RAPGEF1: variants seen among roughly 807,000 people sequenced by gnomAD.
The protein encoded by RAPGEF1 is Rap guanine nucleotide exchange factor 1.
RAPGEF1 carries 33 observed loss-of-function variants against 143.3 expected under a neutral mutation model. The observed-to-expected ratio is 0.23, with a 90% CI of 0.17 to 0.31. The LOEUF is 0.31. Ranked by LOEUF, RAPGEF1 falls within the 10% of genes least tolerant of loss-of-function variation. The probability of loss-of-function intolerance (pLI) is 1.00; values close to 1 mark genes in which losing one functional copy is unlikely to be tolerated. For synonymous variants in RAPGEF1, 629 were observed against 676.5 expected, an observed-to-expected ratio of 0.93 and a Z score of 1.09; for missense variants, 1,199 against 1,645.4, an observed-to-expected ratio of 0.73 and a Z score of 4.69.
chr9:131,670,479 T>A (rs896174252), intron 1 of RAPGEF1, among the ~76,000 whole-genome samples: 1 of 152,150 alleles, frequency 6.6e-6, no homozygotes, highest in Non-Finnish European at 1.5e-5. Context: ...ACAACCTTGA[T>A]CACCAGGGGA....
intron 1 of RAPGEF1, among the ~76,000 whole-genome samples, chr9:131,732,608 A>G (rs1837151045): frequency 6.6e-6 from 1 of 152,182 alleles, no homozygotes; most frequent in Non-Finnish European, 1.5e-5. Context: ...TCAGAGGACT[A>G]CAGGAAAACA....
chr9:131,588,237 G>A (rs1241173179), intron 20 of RAPGEF1, among the ~76,000 whole-genome samples: 1 of 152,226 alleles, frequency 6.6e-6, no homozygotes, highest in East Asian at 1.9e-4. Context: ...TTTCTCTCCT[G>A]CTTCTGCTGG....
At chr9:131,693,275 G>A (rs1012588344) in intron 1 of RAPGEF1, among the ~76,000 whole-genome samples, 1 of 152,084 alleles carries the variant, frequency 6.6e-6, no homozygotes, top group African/African-American at 2.4e-5. Context: ...CTGTCTCCTA[G>A]GTGAGAGCAT....
intron 6 of RAPGEF1, 59 bp from the exon 7 acceptor site, chr9:131,629,313 C>T (rs976924562): frequency 4.6e-6 from 7 of 1,532,926 alleles, no homozygotes; most frequent in Admixed American, 1.7e-5. Flanking sequence ...AGAGCACACA[C>T]AGGCCCTGAG....
At chr9:131,721,195 G>A (rs559712240) in intron 1 of RAPGEF1, among the ~76,000 whole-genome samples, 3 of 152,166 alleles carry the variant, frequency 2.0e-5, no homozygotes, top group Non-Finnish European at 4.4e-5. Flanking sequence ...CGAATTTGTG[G>A]AACGCGATAG....
intron 5 of RAPGEF1, among the ~76,000 whole-genome samples, chr9:131,637,988 C>A (rs1192615160): frequency 6.6e-6 from 1 of 152,226 alleles, no homozygotes; most frequent in Non-Finnish European, 1.5e-5. Context: ...CAGCCCTGGC[C>A]CTGACCCAAA....
chr9:131,648,608 A>C (rs17148153), intron 3 of RAPGEF1, among the ~76,000 whole-genome samples: 2,039 of 152,296 alleles, frequency 0.013, 23 homozygotes, highest in Middle Eastern at 0.027. Context: ...TACTAAACAG[A>C]TTGCAATAAA....
At chr9:131,614,680 C>T (rs1358738254) in intron 12 of RAPGEF1, among the ~76,000 whole-genome samples, 1 of 152,260 alleles carries the variant, frequency 6.6e-6, no homozygotes, top group Non-Finnish European at 1.5e-5. Flanking sequence ...AAGCTCAAGC[C>T]TTCTGTTGAG....
intron 1 of RAPGEF1, among the ~76,000 whole-genome samples, chr9:131,731,244 CTG>C (rs1176503404): frequency 6.6e-6 from 1 of 152,092 alleles, no homozygotes; most frequent in Non-Finnish European, 1.5e-5. Context: ...AGAAGCGAGC[CTG>C]GTACAGCACG....
chr9:131,693,120 G>A (rs1394520112), intron 1 of RAPGEF1, among the ~76,000 whole-genome samples: 1 of 152,186 alleles, frequency 6.6e-6, no homozygotes, highest in Non-Finnish European at 1.5e-5. Context: ...GCCATCTGCT[G>A]AATGGTAAAT....
At chr9:131,673,868 C>T (rs139126563) in intron 1 of RAPGEF1, among the ~76,000 whole-genome samples, 3 of 152,338 alleles carry the variant, frequency 2.0e-5, no homozygotes, top group Admixed American at 6.5e-5. Flanking sequence ...TCCTAAAAGA[C>T]GGTTCCGTTC....
intron 9 of RAPGEF1, among the ~76,000 whole-genome samples, chr9:131,626,847 T>C (rs1337362932): frequency 1.3e-5 from 2 of 152,194 alleles, no homozygotes; most frequent in East Asian, 3.8e-4. Context: ...ACGCCTGTAA[T>C]CCCAGCACTC....
At chr9:131,693,902 C>T (rs994899933) in intron 1 of RAPGEF1, among the ~76,000 whole-genome samples, 1 of 152,016 alleles carries the variant, frequency 6.6e-6, no homozygotes, top group African/African-American at 2.4e-5. Context: ...AGGGCAATCT[C>T]ATCAATTTTT....
chr9:131,643,570 T>C (rs923478864), intron 3 of RAPGEF1, among the ~76,000 whole-genome samples, 153 bp from the exon 4 acceptor site: 8 of 152,142 alleles, frequency 5.3e-5, no homozygotes, highest in African/African-American at 1.9e-4. Flanking sequence ...TTTCTAAGGA[T>C]TGTAATCAGG....
Position 131,650,485 on chromosome 9 carries a change from G to A in RAPGEF1, c.202-243C>T, listed in dbSNP as rs1024412277. On this transcript the variant is annotated intron_variant, in intron 2 of 26. Transcript: ENST00000683357. This position sits in a 1 kb window ranked among gnomAD's most constrained non-coding sequence, Gnocchi z 4.7. ...CAGAGTTCCCTGTGTTTGAGTGTGC[G>A]CCAAGGCAACGTAGGGAACTGCAGG... 3.9e-5 allele frequency among the ~76,000 whole-genome samples: 6 copies of A among 152,200 alleles called. No homozygotes were observed. The highest frequency in any genetic ancestry group is 1.2e-4 in the African/African-American group (5 of 41,444).
intron 1 of RAPGEF1, among the ~76,000 whole-genome samples, chr9:131,657,853 G>A (rs914757653): frequency 3.3e-5 from 5 of 152,122 alleles, no homozygotes; most frequent in African/African-American, 4.8e-5. Context: ...AGTTTATATC[G>A]ACATATACAG....
intron 1 of RAPGEF1, among the ~76,000 whole-genome samples, chr9:131,704,957 T>C (rs1834939112): frequency 6.6e-6 from 1 of 152,216 alleles, no homozygotes; most frequent in South Asian, 2.1e-4. Flanking sequence ...TGAAGTAATA[T>C]TTGCAACTGA....
In RAPGEF1 at chr9:131,655,969, C is replaced by G. The variant is rs906567152; in HGVS notation, c.62-5020G>C. On this transcript the variant is annotated intron_variant, in intron 1 of 26. Coordinates refer to ENST00000683357, the MANE Select transcript of RAPGEF1 (RefSeq NM_001377935.1). This position sits in a 1 kb window ranked among gnomAD's most constrained non-coding sequence, Gnocchi z 4.1. The stretch of plus-strand genomic sequence containing the variant: ...TTAGATATCATCTCTCTAAATCTTT[C>G]CCTTATTTTGTCTGGAAAATGAGTG... Among the ~76,000 whole-genome samples, 1 of 152,160 alleles carries G rather than the reference C, an allele frequency of 6.6e-6. No homozygotes were observed. Among genetic ancestry groups the G allele is most frequent in the South Asian group, 2.1e-4 (1 of 4,826 alleles).
intron 1 of RAPGEF1, among the ~76,000 whole-genome samples, chr9:131,656,318 C>T (rs998323610): frequency 1.3e-5 from 2 of 152,242 alleles, no homozygotes; most frequent in African/African-American, 2.4e-5. Flanking sequence ...CTATTTCCCT[C>T]TTTGGTTTAA....
Sources: allele counts gnomAD v4.1 joint callset (sites outside exome capture counted in the v4.1 genomes callset), GRCh38; gene constraint gnomAD v4.1.1; non-coding constraint Gnocchi (gnomAD v3.1); transcripts MANE v1.5; gene names NCBI Gene and HGNC (gene_info 2026-07-23, HGNC 2026-07-21).